INPP5A: variants seen among roughly 807,000 people sequenced by gnomAD.
INPP5A encodes the protein 43 kDa inositol polyphosphate 5-phophatase.
In INPP5A, 14 loss-of-function variants were observed where a neutral mutation model predicts 65.2. That is an observed-to-expected ratio of 0.21 (90% CI 0.14 to 0.34). INPP5A has a LOEUF of 0.34. Among genes scored for constraint, INPP5A ranks in the 10% least tolerant of loss-of-function variants. The pLI, the probability that INPP5A is intolerant of heterozygous loss-of-function variation, is 1.00. For missense variants in INPP5A, 431 were observed against 545.6 expected (o/e 0.79, Z 2.09); for synonymous variants, 207 against 208.3 (o/e 0.99, Z 0.05).
chr10:132,778,937 C>G (rs557365267), intron 13 of INPP5A, among the ~76,000 whole-genome samples: 1 of 152,368 alleles, frequency 6.6e-6, no homozygotes, highest in East Asian at 1.9e-4. Context: ...TGGCCTCTGC[C>G]ATGTGGCTCT....
chr10:132,739,413 G>C (rs1433129188), intron 9 of INPP5A, among the ~76,000 whole-genome samples: 1 of 152,218 alleles, frequency 6.6e-6, no homozygotes, highest in East Asian at 1.9e-4. Context: ...GGGGCGTGCC[G>C]ACAGAAGGCA....
rs72868915 is a variant in INPP5A, at chr10:132,642,349, C to T, written c.118-3519C>T. Among the ~76,000 whole-genome samples, 737 of 152,328 alleles carry T rather than the reference C, an allele frequency of 4.8e-3. 6 individuals carry two copies. The highest frequency in any genetic ancestry group is 8.3e-3 in the Non-Finnish European group (565 of 68,022). On this transcript the variant is annotated intron_variant, in intron 2 of 15. Coordinates refer to ENST00000368594, the MANE Select transcript of INPP5A (RefSeq NM_005539.5). ...CCCTGGTGTCCTCGGTTCTTCTCCA[C>T]GCGGTTCGCCGGCCATCCTCTCGCA...
At chr10:132,565,606 T>C (rs1003036664) in intron 1 of INPP5A, among the ~76,000 whole-genome samples, 8 of 152,058 alleles carry the variant, frequency 5.3e-5, no homozygotes, top group Non-Finnish European at 1.5e-5. Context: ...TGTATGTCAC[T>C]GTGTGTGCAT....
intron 7 of INPP5A, chr10:132,708,662 G>T: frequency 2.0e-6 from 1 of 500,788 alleles, no homozygotes. Context: ...CCGCTGCACA[G>T]AGAAGTCAGC....
rs145271348 is a variant in INPP5A at position 132,561,948 on chromosome 10, A to G, written c.75+23777A>G. Among the ~76,000 whole-genome samples the G allele has an allele frequency of 7.0e-3, 1,073 of 152,352 alleles. 5 individuals are homozygous for G. The highest frequency in any genetic ancestry group is 0.024 in the Middle Eastern group (7 of 294). ...GTGATGTGGCTGGGAGATCCCGGCA[A>G]GATGATTTTAAAGCCTCCCTTGTGG... is the stretch of plus-strand genomic sequence containing the variant. On this transcript the variant is annotated intron_variant, in intron 1 of 15. Coordinates refer to ENST00000368594, the MANE Select transcript of INPP5A (RefSeq NM_005539.5).
In INPP5A at chr10:132,710,435, C is replaced by A; in HGVS notation, c.626C>A (p.Ala209Glu). ...PSVYSGIRHK[A>E]LGYVLDRIID... ...GTGTACTCGGGAATCCGGCACAAGG[C>A]ACTGGGCTACGTGCTGGACAGGTAG... is the stretch of plus-strand genomic sequence containing the variant. Residue 209 changes from alanine (A) to glutamate (E), a missense_variant, in exon 8 of 16, where the codon GCA becomes GAA. Physicochemically the swap from Ala to Glu is moderately radical, Grantham distance 107. Transcript: ENST00000368594. 6.2e-7 allele frequency: 1 copy of A among 1,613,842 alleles called. No homozygotes were observed. Among genetic ancestry groups the A allele is most frequent in the Non-Finnish European group, 8.5e-7 (1 of 1,179,988 alleles).
Position 132,624,904 on chromosome 10 carries a change from T to C in INPP5A, c.117+16948T>C, listed in dbSNP as rs572344973. Among the ~76,000 whole-genome samples the C allele has an allele frequency of 1.5e-3, 219 of 150,720 alleles. 2 individuals are homozygous for C. The South Asian group carries it at 0.017, about 11-fold the overall frequency. On this transcript the variant is annotated intron_variant, in intron 2 of 15. Coordinates refer to ENST00000368594, the MANE Select transcript of INPP5A (RefSeq NM_005539.5). ...CAGGGCCCACACCGTGGCATCTGCC[T>C]CTTCTCCCATGTGGCATCGCACCTG...
chr10:132,542,366 C>T (rs887649744), intron 1 of INPP5A, among the ~76,000 whole-genome samples: 6 of 152,196 alleles, frequency 3.9e-5, no homozygotes, highest in African/African-American at 1.4e-4. Flanking sequence ...CCTGGAAGAG[C>T]GTGGAGGTGG....
intron 2 of INPP5A, among the ~76,000 whole-genome samples, chr10:132,619,527 G>T (rs2072084664): frequency 6.6e-6 from 1 of 152,202 alleles, no homozygotes; most frequent in Non-Finnish European, 1.5e-5. Flanking sequence ...GGATCTGGAG[G>T]ATGGTGGCCC....
At chr10:132,540,190 C>T (rs769849454) in intron 1 of INPP5A, among the ~76,000 whole-genome samples, 19 of 152,224 alleles carry the variant, frequency 1.2e-4, no homozygotes, top group Admixed American at 2.6e-4. Context: ...CAAAGGGAAA[C>T]GAGTTTTACT....
At position 132,704,219 on chromosome 10, in the gene INPP5A, C is replaced by T. The variant is rs143307974; in HGVS notation, c.475-4094C>T. On this transcript the variant is annotated intron_variant, in intron 6 of 15. Transcript: ENST00000368594. This position sits in a 1 kb window ranked among gnomAD's most constrained non-coding sequence, Gnocchi z 4.5. ...ATTGAGGCGCCTTGGCCTGCAGGGA[C>T]GGTACCTTTTCTCCTGGAAAGACGC... is the stretch of plus-strand genomic sequence containing the variant. Among the ~76,000 whole-genome samples the T allele has an allele frequency of 2.4e-4, 36 of 152,174 alleles. No homozygotes were observed. The highest frequency in any genetic ancestry group is 1.5e-4 in the Non-Finnish European group (10 of 68,010).
At chr10:132,778,302 ATTTTTT>A (rs57172206) in intron 13 of INPP5A, among the ~76,000 whole-genome samples, 2 of 72,958 alleles carry the variant, frequency 2.7e-5, no homozygotes, top group Non-Finnish European at 2.3e-5. Flanking sequence ...TTTAATAATA[ATTTTTT>A]TTTTTTTTTT....
intron 1 of INPP5A, among the ~76,000 whole-genome samples, chr10:132,564,044 G>A (rs1327518803): frequency 6.6e-6 from 1 of 152,192 alleles, no homozygotes; most frequent in Non-Finnish European, 1.5e-5. Flanking sequence ...TAACCACAAA[G>A]GATAGGTGTG....
chr10:132,660,566 G>C (rs2072722069), intron 4 of INPP5A, among the ~76,000 whole-genome samples: 1 of 152,242 alleles, frequency 6.6e-6, no homozygotes, highest in Admixed American at 6.5e-5. Context: ...GGTGCGGTGA[G>C]GCACCTGTGT....
chr10:132,619,870 G>A (rs917627992), intron 2 of INPP5A, among the ~76,000 whole-genome samples: 3 of 152,204 alleles, frequency 2.0e-5, no homozygotes, highest in African/African-American at 7.2e-5. Context: ...TATTGGCCAG[G>A]CTTGTCTTGA....
chr10:132,630,140 G>A (rs954596694), intron 2 of INPP5A, among the ~76,000 whole-genome samples: 19 of 152,168 alleles, frequency 1.2e-4, no homozygotes, highest in Non-Finnish European at 2.6e-4. Flanking sequence ...AGGAAAAGGC[G>A]TCTATGAGGG....
intron 12 of INPP5A, among the ~76,000 whole-genome samples, chr10:132,774,474 G>C (rs1847009913): frequency 6.6e-6 from 1 of 152,258 alleles, no homozygotes; most frequent in African/African-American, 2.4e-5. Context: ...ACAGCTCGGG[G>C]AGTTGGCGTG....
chr10:132,777,804 C>A lies in INPP5A; in HGVS notation c.1089+22C>A, dbSNP rs1053250467. 5.0e-6 allele frequency: 8 copies of A among 1,610,334 alleles called. No homozygotes were observed. In the African/African-American group the frequency reaches 9.4e-5, roughly 19 times the overall value. ...GCGGGTGAGTGTGTGCTGCCCCAGC[C>A]CTGGGCACAGAGGGATGTGGAGCGC... On this transcript the variant is annotated intron_variant, in intron 13 of 15. Coordinates refer to ENST00000368594, the MANE Select transcript of INPP5A (RefSeq NM_005539.5).
intron 1 of INPP5A, among the ~76,000 whole-genome samples, chr10:132,591,605 T>TCTTCCAGCAGGCCTTCC (rs1196930231): frequency 6.6e-6 from 1 of 152,258 alleles, no homozygotes; most frequent in Non-Finnish European, 1.5e-5. Flanking sequence ...GCGGGCCTTC[T>TCTTCCAGCAGGCCTTCC]CTTCCAGCAG....
Sources: gnomAD v4.1 joint callset for allele counts (sites outside exome capture counted in the v4.1 genomes callset) on GRCh38, gnomAD v4.1.1 for gene constraint, Gnocchi (gnomAD v3.1) non-coding constraint, MANE v1.5 for transcripts, NCBI Gene and HGNC (gene_info 2026-07-23, HGNC 2026-07-21) for gene names.